Variants in KCNQ1 observed in about 807,000 individuals in gnomAD.
The protein encoded by KCNQ1 is potassium voltage-gated channel subfamily KQT member 1.
Under a neutral mutation model 72.4 loss-of-function variants are expected in KCNQ1, and 49 were observed. The observed-to-expected ratio is 0.68, with a 90% CI of 0.54 to 0.86. The LOEUF is 0.86. Ranked by LOEUF, KCNQ1 falls within the 40% of genes least tolerant of loss-of-function variation. The pLI, the probability that KCNQ1 is intolerant of heterozygous loss-of-function variation, is 0.00. For missense variants in KCNQ1, 790 were observed against 945.1 expected, an observed-to-expected ratio of 0.84 and a Z score of 2.15; for synonymous variants, 450 against 412.6, an observed-to-expected ratio of 1.09 and a Z score of -1.10.
Position 2,463,178 on chromosome 11 carries a change from C to T in KCNQ1, c.386+17694C>T, listed in dbSNP as rs1251956713. Among the ~76,000 whole-genome samples the T allele has an allele frequency of 6.6e-6, 1 of 152,114 alleles. No homozygotes were observed. Among genetic ancestry groups the T allele is most frequent in the Non-Finnish European group, 1.5e-5 (1 of 68,022 alleles). On this transcript the variant is annotated intron_variant, in intron 1 of 15. Coordinates refer to ENST00000155840, the MANE Select transcript of KCNQ1 (RefSeq NM_000218.3). The surrounding 1 kb of genome is among the most constrained non-coding windows in gnomAD (Gnocchi z 7.0). ...GGGGAACTGGACGCTCCGTCCCTGG[C>T]TCAGCCTCTCCCGGCTGTGACCTTG... is the stretch of plus-strand genomic sequence containing the variant.
At chr11:2,527,419 T>C (rs1319216288) in intron 1 of KCNQ1, among the ~76,000 whole-genome samples, 1 of 152,218 alleles carries the variant, frequency 6.6e-6, no homozygotes, top group Non-Finnish European at 1.5e-5. Context: ...AAATCAGCTT[T>C]GTAGAGACGT....
chr11:2,837,174 A>T (rs1012963895), intron 15 of KCNQ1, among the ~76,000 whole-genome samples: 3 of 152,114 alleles, frequency 2.0e-5, no homozygotes, highest in Non-Finnish European at 2.9e-5. Context: ...GAGAGAGGAC[A>T]CCGTCTTGAG....
chr11:2,706,216 A>G (rs551397252), intron 11 of KCNQ1, among the ~76,000 whole-genome samples: 1 of 152,352 alleles, frequency 6.6e-6, no homozygotes, highest in African/African-American at 2.4e-5. Context: ...AAAATATGGA[A>G]GAAGTGACAG....
chr11:2,821,090 G>C (rs922179442), intron 15 of KCNQ1, among the ~76,000 whole-genome samples: 8 of 152,376 alleles, frequency 5.3e-5, no homozygotes, highest in African/African-American at 1.7e-4. Flanking sequence ...GGTCCGGCCT[G>C]CTCTGCTGCC....
At chr11:2,449,036 C>G (rs964552295) in intron 1 of KCNQ1, among the ~76,000 whole-genome samples, 1 of 152,212 alleles carries the variant, frequency 6.6e-6, no homozygotes, top group Non-Finnish European at 1.5e-5. Context: ...GACTTGGGTC[C>G]TTGCAGGTGG....
At chr11:2,696,698 G>A (rs970843344) in intron 11 of KCNQ1, 6 of 398,458 alleles carry the variant, frequency 1.5e-5, no homozygotes, top group Non-Finnish European at 2.7e-5. Context: ...AAAATAAAAT[G>A]TCTCTGCATA....
rs1259208362 is a variant in KCNQ1, at chr11:2,815,793, T to G, written c.1795-31974T>G. Among the ~76,000 whole-genome samples the G allele has an allele frequency of 6.6e-6, 1 of 152,142 alleles. No individual in the cohort carries two copies. Among genetic ancestry groups the G allele is most frequent in the Non-Finnish European group, 1.5e-5 (1 of 68,000 alleles). Reference sequence around the variant, plus strand: ...TACTGGGTGGAGCTGCCCCCAGCCCTTCCTGCTGGCCTCCCCAGAGCTCCA... The same window carrying G: ...TACTGGGTGGAGCTGCCCCCAGCCCGTCCTGCTGGCCTCCCCAGAGCTCCA... On this transcript the variant is annotated intron_variant, in intron 15 of 15. Transcript: ENST00000155840. The surrounding 1 kb of genome is among the most constrained non-coding windows in gnomAD (Gnocchi z 5.4).
chr11:2,448,965 G>C (rs1162419551), intron 1 of KCNQ1, among the ~76,000 whole-genome samples: 1 of 152,242 alleles, frequency 6.6e-6, no homozygotes, highest in Non-Finnish European at 1.5e-5. Flanking sequence ...CAAGAGCCTA[G>C]AGCCTGGGAG....
intron 11 of KCNQ1, among the ~76,000 whole-genome samples, chr11:2,718,194 G>C (rs905088681): frequency 6.6e-6 from 1 of 152,192 alleles, no homozygotes; most frequent in Non-Finnish European, 1.5e-5. Context: ...TCCCCTGACA[G>C]CTGCCTTCCT....
At position 2,612,385 on chromosome 11, in the gene KCNQ1, G is replaced by T; in HGVS notation, c.1393+23531G>T. The stretch of plus-strand genomic sequence containing the variant: ...ACTGGTCCCTCATGCCAAAAAGGTT[G>T]GGGACCACTATATTATGGTATCCAA... On this transcript the variant is annotated intron_variant, in intron 10 of 15. Transcript: ENST00000155840. The surrounding 1 kb of genome is among the most constrained non-coding windows in gnomAD (Gnocchi z 5.5). 1 of 398,542 alleles carries T rather than the reference G, an allele frequency of 2.5e-6. No homozygotes were observed. Among genetic ancestry groups the T allele is most frequent in the Non-Finnish European group, 4.4e-6 (1 of 226,064 alleles). 24.7% of individuals were successfully genotyped at this position (398,542 alleles called of 1,614,324 possible). A position where few individuals can be genotyped will look rare whatever the true frequency, so the allele number is the denominator to read the frequency against.
Position 2,599,224 on chromosome 11 carries a change from A to G in KCNQ1, c.1393+10370A>G, listed in dbSNP as rs1848769355. ...AAATAAAATACATGTGACATAATGAAGGCATTATCATTGTTTTCCAAACTC... is the reference window on the plus strand; with the variant it reads ...AAATAAAATACATGTGACATAATGAGGGCATTATCATTGTTTTCCAAACTC... On this transcript the variant is annotated intron_variant, in intron 10 of 15. Coordinates refer to ENST00000155840, the MANE Select transcript of KCNQ1 (RefSeq NM_000218.3). The surrounding 1 kb of genome is among the most constrained non-coding windows in gnomAD (Gnocchi z 4.7). 6.6e-6 allele frequency among the ~76,000 whole-genome samples: 1 copy of G among 152,210 alleles called. No homozygotes were observed. The highest frequency in any genetic ancestry group is 2.4e-5 in the African/African-American group (1 of 41,456).
Position 2,593,887 on chromosome 11 carries a change from A to C in KCNQ1, c.1393+5033A>C, listed in dbSNP as rs1848702761. Among the ~76,000 whole-genome samples the C allele has an allele frequency of 6.6e-6, 1 of 152,200 alleles. No homozygotes were observed. The highest frequency in any genetic ancestry group is 2.1e-4 in the South Asian group (1 of 4,830). On this transcript the variant is annotated intron_variant, in intron 10 of 15. Coordinates refer to ENST00000155840, the MANE Select transcript of KCNQ1 (RefSeq NM_000218.3). This position sits in a 1 kb window ranked among gnomAD's most constrained non-coding sequence, Gnocchi z 6.9. ...AGGATTAAATCCTGAATGCTTTGCC[A>C]GTTGAGATCAAAAGTCACCCCAACT...
chr11:2,836,144 T>G (rs1300597795), intron 15 of KCNQ1, among the ~76,000 whole-genome samples: 1 of 151,992 alleles, frequency 6.6e-6, no homozygotes, highest in Non-Finnish European at 1.5e-5. Context: ...GTGGAAGAGT[T>G]GAAAGCAGCC....
At chr11:2,597,477 C>G (rs1174511995) in intron 10 of KCNQ1, among the ~76,000 whole-genome samples, 2 of 152,074 alleles carry the variant, frequency 1.3e-5, no homozygotes, top group African/African-American at 4.8e-5. Context: ...GTTAAACAGC[C>G]ATCAAAACTG....
In KCNQ1 at chr11:2,652,789, G is replaced by C. The variant is rs556025609; in HGVS notation, c.1394-9172G>C. The C allele has an allele frequency of 2.0e-5, 8 of 399,054 alleles. No individual in the cohort carries two copies. Among genetic ancestry groups the C allele is most frequent in the Non-Finnish European group, 3.5e-5 (8 of 226,532 alleles). The allele number at this position is 399,054 out of a possible 1,614,324, so 24.7% of individuals were successfully genotyped here. On this transcript the variant is annotated intron_variant, in intron 10 of 15. Coordinates refer to ENST00000155840, the MANE Select transcript of KCNQ1 (RefSeq NM_000218.3). This position sits in a 1 kb window ranked among gnomAD's most constrained non-coding sequence, Gnocchi z 5.9. Reference sequence around the variant, plus strand: ...TCTTCCTCAGCGCCCCCGCTACTCAGACCCCACCCTTGGGCCTGCAGAGAC... The same window carrying C: ...TCTTCCTCAGCGCCCCCGCTACTCACACCCCACCCTTGGGCCTGCAGAGAC...
chr11:2,848,418 C>G lies in KCNQ1; in HGVS notation c.*415C>G. On this transcript the variant is annotated 3_prime_UTR_variant, in exon 16 of 16. Coordinates refer to ENST00000155840, the MANE Select transcript of KCNQ1 (RefSeq NM_000218.3). ...AGACAGAGCAACCCCTGGACCCCAG[C>G]CTCAAATCCAGGACCCTGCCAGGCA... 1 of 475,764 alleles carries G rather than the reference C, an allele frequency of 2.1e-6. No individual in the cohort carries two copies. Among genetic ancestry groups the G allele is most frequent in the Non-Finnish European group, 4.1e-6 (1 of 241,554 alleles). The allele number at this position is 475,764 out of a possible 1,614,324, so 29.5% of individuals were successfully genotyped here. A position where few individuals can be genotyped will look rare whatever the true frequency, so the allele number is the denominator to read the frequency against.
rs1851086158 is a variant in KCNQ1, at chr11:2,715,990, G to A, written c.1515-52854G>A. Among the ~76,000 whole-genome samples the A allele has an allele frequency of 1.3e-5, 2 of 152,182 alleles. No homozygotes were observed. The highest frequency in any genetic ancestry group is 2.9e-5 in the Non-Finnish European group (2 of 68,036). On this transcript the variant is annotated intron_variant, in intron 11 of 15. Transcript: ENST00000155840. The surrounding 1 kb of genome is among the most constrained non-coding windows in gnomAD (Gnocchi z 4.9). ...AAACCCTTTGGGCTGGCCTCTTGGT[G>A]AGGAATGGCCCTGGGAGAGGCTGCC...
intron 2 of KCNQ1, among the ~76,000 whole-genome samples, chr11:2,560,264 AGTGGG>A (rs1564816841): frequency 2.8e-4 from 2 of 7,030 alleles, no homozygotes. Context: ...ATCCTGGGGG[AGTGGG>A]GGCGGTGACG....
In KCNQ1 at chr11:2,571,467, C is replaced by T. The variant is rs1473835564; in HGVS notation, c.683+64C>T. The T allele has an allele frequency of 2.4e-5, 33 of 1,397,154 alleles. No homozygotes were observed. The East Asian group carries it at 2.7e-4, about 12-fold the overall frequency. 86.5% of individuals were successfully genotyped at this position (1,397,154 alleles called of 1,614,324 possible). The stretch of plus-strand genomic sequence containing the variant: ...CACCCCGAGCACCCCTCCTGAGCCG[C>T]GGGTGGTCTCACGCCCCATCCACCT... On this transcript the variant is annotated intron_variant, in intron 4 of 15. Coordinates refer to ENST00000155840, the MANE Select transcript of KCNQ1 (RefSeq NM_000218.3).
Sources: allele counts gnomAD v4.1 joint callset (sites outside exome capture counted in the v4.1 genomes callset), GRCh38; gene constraint gnomAD v4.1.1; non-coding constraint Gnocchi (gnomAD v3.1); transcripts MANE v1.5; gene names NCBI Gene and HGNC (gene_info 2026-07-23, HGNC 2026-07-21).